Variants in KCNB2 observed in about 807,000 individuals in gnomAD.
The protein encoded by KCNB2 is delayed rectifier potassium channel protein.
In KCNB2, 15 loss-of-function variants were observed where a neutral mutation model predicts 61.5. That is an observed-to-expected ratio of 0.24 (90% confidence interval 0.16 to 0.38). The LOEUF is 0.38. KCNB2 is among the 10% of genes least tolerant of loss of function. KCNB2 has a pLI of 1.00. For missense variants in KCNB2, 828 were observed against 1,125.2 expected (o/e 0.74, Z 3.78); for synonymous variants, 457 against 446.0 (o/e 1.02, Z -0.31).
chr8:72,583,022 G>A (rs1304826781), intron 2 of KCNB2, among the ~76,000 whole-genome samples: 1 of 151,854 alleles, frequency 6.6e-6, no homozygotes, highest in Non-Finnish European at 1.5e-5. Context: ...CAGCTTAGGG[G>A]AACTGACTTT....
chr8:72,587,263 C>T (rs1389625195), intron 2 of KCNB2, among the ~76,000 whole-genome samples: 4 of 152,092 alleles, frequency 2.6e-5, no homozygotes, highest in Non-Finnish European at 2.9e-5. Context: ...ATCCACCTCC[C>T]GAGACTGAAA....
At chr8:72,736,818 A>C (rs1231064474) in intron 2 of KCNB2, among the ~76,000 whole-genome samples, 3 of 152,122 alleles carry the variant, frequency 2.0e-5, no homozygotes, top group Non-Finnish European at 4.4e-5. Context: ...CTTTGGGAGC[A>C]CTCTACTGCA....
intron 2 of KCNB2, among the ~76,000 whole-genome samples, chr8:72,908,573 G>T (rs2129007192): frequency 6.6e-6 from 1 of 152,316 alleles, no homozygotes; most frequent in East Asian, 1.9e-4. Flanking sequence ...AAGAAGCATA[G>T]CTGGGCAGGG....
At position 72,720,777 on chromosome 8, in the gene KCNB2, C is replaced by A. The variant is rs189675263; in HGVS notation, c.579+152464C>A. Among the ~76,000 whole-genome samples the A allele has an allele frequency of 8.5e-5, 13 of 152,264 alleles. No homozygotes were observed. In the East Asian group the frequency reaches 2.5e-3, roughly 29 times the overall value. ...TGTCATTTGACAGACATTTATTGAG[C>A]AACTACTGCATGCCACGGTACTCAA... On this transcript the variant is annotated intron_variant, in intron 2 of 2. Coordinates refer to ENST00000523207, the MANE Select transcript of KCNB2 (RefSeq NM_004770.3).
rs114386909 is a variant in KCNB2 at position 72,561,123 on chromosome 8, A to G, written c.-93-6519A>G. ...TTTAGGATTTCATCTGAGTGTATCT[A>G]AAAAAAGCATCGGTTATATCAAGGA... is the stretch of plus-strand genomic sequence containing the variant. On this transcript the variant is annotated intron_variant, in intron 1 of 2. Transcript: ENST00000523207. 8.2e-3 allele frequency among the ~76,000 whole-genome samples: 1,242 copies of G among 152,146 alleles called. 15 individuals carry two copies. The highest frequency in any genetic ancestry group is 0.028 in the African/African-American group (1,146 of 41,508).
intron 2 of KCNB2, among the ~76,000 whole-genome samples, chr8:72,915,539 A>AC (rs1205454901): frequency 6.6e-6 from 1 of 152,174 alleles, no homozygotes; most frequent in East Asian, 1.9e-4. Flanking sequence ...ATAAACATAG[A>AC]CACAGACATA....
At chr8:72,733,727 A>G (rs16938338) in intron 2 of KCNB2, among the ~76,000 whole-genome samples, 14,635 of 152,026 alleles carry the variant, frequency 0.096, 1,357 homozygotes, top group East Asian at 0.52. Flanking sequence ...GAGTGTTCTG[A>G]GCTGATCACC....
intron 2 of KCNB2, among the ~76,000 whole-genome samples, chr8:72,703,928 A>G (rs1183561988): frequency 1.3e-5 from 2 of 152,206 alleles, no homozygotes; most frequent in African/African-American, 2.4e-5. Context: ...TGTTAGTAGT[A>G]TGTTGCCTTT....
intron 2 of KCNB2, among the ~76,000 whole-genome samples, chr8:72,783,266 T>C (rs1808793273): frequency 6.6e-6 from 1 of 152,148 alleles, no homozygotes; most frequent in Admixed American, 6.6e-5. Context: ...GTGATCTTTT[T>C]AGAGCATAAG....
chr8:72,812,117 C>G (rs1809316983), intron 2 of KCNB2, among the ~76,000 whole-genome samples: 1 of 152,100 alleles, frequency 6.6e-6, no homozygotes, highest in African/African-American at 2.4e-5. Context: ...CAAAAATTAG[C>G]TGGGCATAGC....
At chr8:72,820,108 A>C (rs989408931) in intron 2 of KCNB2, among the ~76,000 whole-genome samples, 2 of 152,078 alleles carry the variant, frequency 1.3e-5, no homozygotes, top group Admixed American at 1.3e-4. Flanking sequence ...CCTCCTCCAG[A>C]AAGTACCCTC....
chr8:72,631,877 C>T (rs1259095693), intron 2 of KCNB2, among the ~76,000 whole-genome samples: 1 of 152,092 alleles, frequency 6.6e-6, no homozygotes, highest in Non-Finnish European at 1.5e-5. Flanking sequence ...AGACAGGGCT[C>T]AGTCAACTCA....
At chr8:72,669,056 T>A (rs1307458968) in intron 2 of KCNB2, among the ~76,000 whole-genome samples, 1 of 152,192 alleles carries the variant, frequency 6.6e-6, no homozygotes, top group Non-Finnish European at 1.5e-5. Flanking sequence ...TGTAACCTCT[T>A]GGGTTAATTA....
At chr8:72,600,980 T>C (rs1464126525) in intron 2 of KCNB2, among the ~76,000 whole-genome samples, 3 of 151,064 alleles carry the variant, frequency 2.0e-5, no homozygotes, top group African/African-American at 7.3e-5. Flanking sequence ...CATGTGCCTC[T>C]GAACTTGAAA....
intron 2 of KCNB2, among the ~76,000 whole-genome samples, chr8:72,715,382 C>T (rs1179277716): frequency 6.6e-6 from 1 of 152,160 alleles, no homozygotes; most frequent in Non-Finnish European, 1.5e-5. Context: ...CACACCACAC[C>T]TATTCCAAAA....
At chr8:72,561,789 A>ATATATGTG (rs1491494090) in intron 1 of KCNB2, among the ~76,000 whole-genome samples, 1 of 33,580 alleles carries the variant, frequency 3.0e-5, no homozygotes, top group Non-Finnish European at 5.5e-5. Context: ...ATATATATAT[A>ATATATGTG]CATATATATA....
intron 2 of KCNB2, among the ~76,000 whole-genome samples, chr8:72,799,568 A>G (rs1239967436): frequency 2.0e-5 from 3 of 152,148 alleles, no homozygotes; most frequent in African/African-American, 7.2e-5. Flanking sequence ...CGAAAACCAC[A>G]TTGTGGATTT....
chr8:72,561,691 T>TTATATATA (rs1172254677), intron 1 of KCNB2, among the ~76,000 whole-genome samples: 15 of 19,396 alleles, frequency 7.7e-4, no homozygotes, highest in Admixed American at 1.8e-3. Flanking sequence ...GATCTTACTT[T>TTATATATA]TATATATATA....
chr8:72,659,646 T>A (rs1806348045), intron 2 of KCNB2, among the ~76,000 whole-genome samples: 1 of 152,146 alleles, frequency 6.6e-6, no homozygotes, highest in Admixed American at 6.5e-5. Flanking sequence ...GCGAACTTCA[T>A]TGTTGTCTTA....
Sources: gnomAD v4.1 joint callset for allele counts (sites outside exome capture counted in the v4.1 genomes callset) on GRCh38, gnomAD v4.1.1 for gene constraint, MANE v1.5 for transcripts, NCBI Gene and HGNC (gene_info 2026-07-23, HGNC 2026-07-21) for gene names.